PRKG1: variants seen among roughly 807,000 people sequenced by gnomAD.
PRKG1 encodes the protein protein kinase cGMP-dependent 1.
PRKG1 carries 35 observed loss-of-function variants against 88.1 expected under a neutral mutation model. That is an observed-to-expected ratio of 0.40 (90% confidence interval 0.30 to 0.53). The LOEUF (loss-of-function observed/expected upper bound fraction) is 0.53, where lower values mean the gene tolerates loss of function less well. Ranked by LOEUF, PRKG1 falls within the 20% of genes least tolerant of loss-of-function variation. The probability of loss-of-function intolerance (pLI) is 0.59; values close to 1 mark genes in which losing one functional copy is unlikely to be tolerated. For missense variants in PRKG1, 540 were observed against 839.8 expected (o/e 0.64, Z 4.41); for synonymous variants, 303 against 292.5 (o/e 1.04, Z -0.37).
At chr10:51,881,251 A>G (rs569503009) in intron 4 of PRKG1, among the ~76,000 whole-genome samples, 1 of 152,306 alleles carries the variant, frequency 6.6e-6, no homozygotes, top group East Asian at 1.9e-4. Context: ...TCACTTATCT[A>G]CTGAGGTATA....
chr10:52,097,324 T>G (rs1302117993), intron 7 of PRKG1, among the ~76,000 whole-genome samples: 1 of 152,182 alleles, frequency 6.6e-6, no homozygotes, highest in Non-Finnish European at 1.5e-5. Flanking sequence ...GATGAGTGTC[T>G]ATTATCTACC....
intron 10 of PRKG1, among the ~76,000 whole-genome samples, chr10:52,263,616 A>T (rs1298776791): frequency 6.8e-6 from 1 of 147,668 alleles, no homozygotes; most frequent in African/African-American, 2.5e-5. Context: ...TTGCTCTGTC[A>T]CCCAGGCCGG....
intron 3 of PRKG1, among the ~76,000 whole-genome samples, chr10:51,531,645 T>C (rs1842019091): frequency 7.6e-6 from 1 of 130,906 alleles, no homozygotes. Flanking sequence ...TTCTTTTTTT[T>C]TTTTTTTTTT....
In PRKG1 at chr10:51,452,100, A is replaced by C. The variant is rs964528303; in HGVS notation, c.479-15623A>C. On this transcript the variant is annotated intron_variant, in intron 2 of 17. Transcript: ENST00000373980. ...ACAATTTACCCATTTAAGGTGTTCAAATCAGTGTCTTTTAGCATATAAACA... is the reference window on the plus strand; with the variant it reads ...ACAATTTACCCATTTAAGGTGTTCACATCAGTGTCTTTTAGCATATAAACA... Among the ~76,000 whole-genome samples, 2 of 151,898 alleles carry C rather than the reference A, an allele frequency of 1.3e-5. 1 individual carries two copies. Among genetic ancestry groups the C allele is most frequent in the Admixed American group, 1.3e-4 (2 of 15,224 alleles).
At chr10:51,822,369 G>A in intron 4 of PRKG1, among the ~76,000 whole-genome samples, 1 of 152,064 alleles carries the variant, frequency 6.6e-6, no homozygotes, top group East Asian at 1.9e-4. Context: ...ACTAAAAAAA[G>A]TAGAACTCCT....
intron 2 of PRKG1, among the ~76,000 whole-genome samples, chr10:51,381,238 C>A (rs1421311335): frequency 3.1e-5 from 3 of 96,494 alleles, no homozygotes; most frequent in Admixed American, 1.6e-4. Context: ...GCCTGGGCAA[C>A]AGAGCAAGCC....
chr10:52,145,771 AC>A (rs1225604940), intron 8 of PRKG1, among the ~76,000 whole-genome samples: 3 of 152,092 alleles, frequency 2.0e-5, no homozygotes, highest in African/African-American at 7.2e-5. Context: ...AAGATCTAAG[AC>A]TTTTCTTTTC....
At chr10:51,666,364 A>C (rs1051555167) in intron 3 of PRKG1, among the ~76,000 whole-genome samples, 12 of 152,236 alleles carry the variant, frequency 7.9e-5, no homozygotes, top group African/African-American at 2.9e-4. Context: ...TTACATAAGG[A>C]GCAGATGACA....
chr10:51,615,041 A>T (rs1294921206), intron 3 of PRKG1, among the ~76,000 whole-genome samples: 3 of 61,618 alleles, frequency 4.9e-5, no homozygotes, highest in African/African-American at 1.9e-4. Context: ...CTTTGAATAT[A>T]TTCAACTTTG....
At chr10:51,727,768 A>C (rs1842172627) in intron 3 of PRKG1, among the ~76,000 whole-genome samples, 1 of 152,158 alleles carries the variant, frequency 6.6e-6, no homozygotes, top group South Asian at 2.1e-4. Flanking sequence ...TTAAACCTAT[A>C]TTATTGCCTT....
At position 52,254,872 on chromosome 10, in the gene PRKG1, T is replaced by C. The variant is rs745572350; in HGVS notation, c.1173+3206T>C. On this transcript the variant is annotated intron_variant, in intron 10 of 17. Transcript: ENST00000373980. ...GCTTAAAGTGAAGATCTTTTAGGCA[T>C]AGGAATTGTAGTCTTAAGCTATTCA... Among the ~76,000 whole-genome samples, 8 of 152,068 alleles carry C rather than the reference T, an allele frequency of 5.3e-5. No individual in the cohort carries two copies. In the South Asian group the frequency reaches 6.2e-4, roughly 12 times the overall value.
At chr10:52,213,579 C>T (rs1038855807) in intron 9 of PRKG1, among the ~76,000 whole-genome samples, 1 of 152,154 alleles carries the variant, frequency 6.6e-6, no homozygotes, top group African/African-American at 2.4e-5. Flanking sequence ...GAAAAAAGAG[C>T]CATTTATCTC....
At chr10:51,997,486 A>G (rs962493147) in intron 5 of PRKG1, among the ~76,000 whole-genome samples, 7 of 150,232 alleles carry the variant, frequency 4.7e-5, no homozygotes, top group Non-Finnish European at 8.9e-5. Context: ...AAAAAAAAAA[A>G]GAAAGAAATA....
intron 1 of PRKG1, among the ~76,000 whole-genome samples, chr10:51,128,208 T>TA (rs11405882): frequency 0.79 from 119,418 of 150,802 alleles, 47,871 homozygotes; most frequent in South Asian, 0.87. Flanking sequence ...TTGTGATACT[T>TA]AAAAAAAATC....
At chr10:51,862,704 A>T (rs184879385) in intron 4 of PRKG1, among the ~76,000 whole-genome samples, 1 of 152,108 alleles carries the variant, frequency 6.6e-6, no homozygotes, top group East Asian at 1.9e-4. Flanking sequence ...TTCAGGCTTT[A>T]TGCTGTCTTT....
Position 51,739,724 on chromosome 10 carries a change from G to A in PRKG1, c.593-64861G>A, listed in dbSNP as rs148495409. Among the ~76,000 whole-genome samples, 502 of 152,222 alleles carry A rather than the reference G, an allele frequency of 3.3e-3. 3 individuals are homozygous for A. The highest frequency in any genetic ancestry group is 0.014 in the Middle Eastern group (4 of 294). On this transcript the variant is annotated intron_variant, in intron 3 of 17. Transcript: ENST00000373980. ...GTGGTGGCTCATGGCTGTAATCACA[G>A]CACTTTGGGAGTCCAAGGTGGGTAA...
At chr10:51,997,776 GAAT>G (rs928299260) in intron 5 of PRKG1, among the ~76,000 whole-genome samples, 8 of 152,110 alleles carry the variant, frequency 5.3e-5, no homozygotes, top group African/African-American at 1.4e-4. Flanking sequence ...TATCAGCAGT[GAAT>G]AATGACAGTT....
At chr10:51,352,362 G>A (rs763112511) in intron 2 of PRKG1, among the ~76,000 whole-genome samples, 11 of 151,878 alleles carry the variant, frequency 7.2e-5, no homozygotes, top group Non-Finnish European at 1.2e-4. Flanking sequence ...TCACGGTATT[G>A]ATTCTTCCTA....
At chr10:51,014,318 C>CTT (rs71029340) in intron 1 of PRKG1, among the ~76,000 whole-genome samples, 6 of 138,004 alleles carry the variant, frequency 4.3e-5, no homozygotes, top group African/African-American at 5.3e-5. Context: ...CAGGCATTCT[C>CTT]TTTTTTTTTT....
Sources: allele counts gnomAD v4.1 joint callset (sites outside exome capture counted in the v4.1 genomes callset), GRCh38; gene constraint gnomAD v4.1.1; transcripts MANE v1.5; gene names NCBI Gene and HGNC (gene_info 2026-07-23, HGNC 2026-07-21).